The following GSAP variants were observed in gnomAD, a reference collection of about 807,000 sequenced individuals.
The protein encoded by GSAP is gamma-secretase-activating protein.
In GSAP, 118 loss-of-function variants were observed where a neutral mutation model predicts 131.7. The observed-to-expected ratio is 0.90, with a 90% confidence interval of 0.77 to 1.04. The LOEUF is 1.04. GSAP is among the 50% of genes least tolerant of loss of function. The pLI is 0.00. For missense variants in GSAP, 1,019 were observed against 1,013.2 expected, an observed-to-expected ratio of 1.01 and a Z score of -0.08; for synonymous variants, 381 against 363.4, an observed-to-expected ratio of 1.05 and a Z score of -0.55.
chr7:77,334,420 T>C (rs1789629901), intron 19 of GSAP, among the ~76,000 whole-genome samples: 1 of 150,556 alleles, frequency 6.6e-6, no homozygotes, highest in South Asian at 2.1e-4. Flanking sequence ...CTGGGGCCTG[T>C]TGGGGGGTTG....
At chr7:77,390,226 C>T (rs372579374) in intron 5 of GSAP, among the ~76,000 whole-genome samples, 52 of 152,206 alleles carry the variant, frequency 3.4e-4, no homozygotes, top group African/African-American at 1.2e-3. Context: ...TTCTCCCATT[C>T]TGTAGGTTGC....
intron 12 of GSAP, among the ~76,000 whole-genome samples, chr7:77,371,088 T>G (rs1181864937): frequency 6.6e-6 from 1 of 151,894 alleles, no homozygotes; most frequent in Admixed American, 6.6e-5. Flanking sequence ...ACTTCCAGAT[T>G]TATTCATTGC....
At chr7:77,398,216 T>C (rs1384275660) in intron 3 of GSAP, among the ~76,000 whole-genome samples, 2 of 152,122 alleles carry the variant, frequency 1.3e-5, no homozygotes, top group African/African-American at 4.8e-5. Context: ...ATAGTGTAAG[T>C]ATTAAGAAGG....
chr7:77,389,587 T>C (rs1799137424), intron 5 of GSAP, among the ~76,000 whole-genome samples: 1 of 152,140 alleles, frequency 6.6e-6, no homozygotes, highest in Admixed American at 6.5e-5. Context: ...TCCAGCTTCA[T>C]CCATGTCCCT....
intron 26 of GSAP, among the ~76,000 whole-genome samples, chr7:77,319,823 A>G (rs1351432240): frequency 1.3e-5 from 2 of 152,244 alleles, no homozygotes; most frequent in Non-Finnish European, 2.9e-5. Context: ...TGCAGTATCT[A>G]AAGTAGTCAA....
intron 1 of GSAP, among the ~76,000 whole-genome samples, chr7:77,414,844 C>CTTTTTTTTTTTTTTTTTTTTTTTTT (rs57095326): frequency 6.7e-5 from 4 of 59,876 alleles, no homozygotes; most frequent in African/African-American, 3.0e-4. Context: ...ATGTGGGCGA[C>CTTTTTTTTTTTTTTTTTTTTTTTTT]TTTTTTTTTT....
chr7:77,383,665 G>A (rs1241130353), intron 6 of GSAP, among the ~76,000 whole-genome samples: 1 of 152,154 alleles, frequency 6.6e-6, no homozygotes, highest in Admixed American at 6.5e-5. Context: ...TCCTGACCCC[G>A]TCGGCTGTGA....
intron 6 of GSAP, among the ~76,000 whole-genome samples, chr7:77,383,205 C>T (rs1362021548): frequency 6.6e-6 from 1 of 151,928 alleles, no homozygotes; most frequent in East Asian, 1.9e-4. Flanking sequence ...GTAAAATAAA[C>T]AGTAAATGTT....
intron 1 of GSAP, among the ~76,000 whole-genome samples, chr7:77,407,059 G>A (rs1032507954): frequency 1.3e-5 from 2 of 152,152 alleles, no homozygotes; most frequent in Non-Finnish European, 2.9e-5. Context: ...TCATTTCAGG[G>A]ACTACAGGGC....
intron 2 of GSAP, among the ~76,000 whole-genome samples, 184 bp downstream of exon 2, chr7:77,405,845 T>G (rs1034107898): frequency 6.6e-6 from 1 of 152,230 alleles, no homozygotes; most frequent in African/African-American, 2.4e-5. Context: ...AGCCTAATAC[T>G]ACTAAATTTC....
intron 6 of GSAP, among the ~76,000 whole-genome samples, chr7:77,386,752 T>C (rs146737231): frequency 2.0e-5 from 3 of 152,300 alleles, no homozygotes; most frequent in Non-Finnish European, 2.9e-5. Flanking sequence ...GTCATTTTAG[T>C]ATGAGAGCTA....
chr7:77,408,756 G>A (rs1053230311), intron 1 of GSAP, among the ~76,000 whole-genome samples: 1 of 149,160 alleles, frequency 6.7e-6, no homozygotes, highest in East Asian at 1.9e-4. Context: ...TTCCCATACA[G>A]GAATAGTTTT....
intron 19 of GSAP, among the ~76,000 whole-genome samples, chr7:77,335,834 T>C (rs1372890659): frequency 6.6e-6 from 1 of 152,230 alleles, no homozygotes; most frequent in Non-Finnish European, 1.5e-5. Flanking sequence ...AGCTAAAGCA[T>C]CATCCAATTT....
intron 13 of GSAP, among the ~76,000 whole-genome samples, chr7:77,361,652 A>G (rs1362718957): frequency 6.6e-6 from 1 of 152,194 alleles, no homozygotes; most frequent in Non-Finnish European, 1.5e-5. Flanking sequence ...AAAAATCTTT[A>G]TCTTTAAAAA....
Position 77,328,250 on chromosome 7 carries a change from G to T in GSAP, c.1765+356C>A, listed in dbSNP as rs560142854. On this transcript the variant is annotated intron_variant, in intron 22 of 30. Transcript: ENST00000257626. ...AGAGGCACAAACAAGGCAAGACCCG[G>T]TAGGATCAGACAGCTAGAAAGCAAG... is the stretch of plus-strand genomic sequence containing the variant. 26 of 1,045,152 alleles carry T rather than the reference G, an allele frequency of 2.5e-5. No homozygotes were observed. The South Asian group carries it at 6.6e-4, about 27-fold the overall frequency. 64.7% of individuals were successfully genotyped at this position (1,045,152 alleles called of 1,614,324 possible). A position where few individuals can be genotyped will look rare whatever the true frequency, so the allele number is the denominator to read the frequency against.
At chr7:77,391,036 A>AC (rs1219058933) in intron 5 of GSAP, among the ~76,000 whole-genome samples, 2 of 145,022 alleles carry the variant, frequency 1.4e-5, no homozygotes, top group Non-Finnish European at 3.0e-5. Context: ...CTGAGGCAGG[A>AC]CAATCACTTG....
At chr7:77,377,966 TA>T (rs1797204286) in intron 8 of GSAP, among the ~76,000 whole-genome samples, 1 of 152,208 alleles carries the variant, frequency 6.6e-6, no homozygotes, top group Non-Finnish European at 1.5e-5. Flanking sequence ...AGACCTGACT[TA>T]CACATTGTGT....
intron 12 of GSAP, among the ~76,000 whole-genome samples, chr7:77,372,698 T>C (rs1796310439): frequency 6.6e-6 from 1 of 152,246 alleles, no homozygotes; most frequent in Non-Finnish European, 1.5e-5. Flanking sequence ...ATTTTTGAAC[T>C]TTACAGCGAG....
At position 77,416,318 on chromosome 7, in the gene GSAP, C is replaced by A; in HGVS notation, c.4G>T (p.Ala2Ser). M[A>S]LRLVADFDLG... Reference sequence around the variant, plus strand: ...TCGAAGTCGGCGACCAGGCGAAGAGCCATCGCCCGGACACGACCACCGGGC... The same window carrying A: ...TCGAAGTCGGCGACCAGGCGAAGAGACATCGCCCGGACACGACCACCGGGC... Residue 2 changes from alanine (A) to serine (S), a missense_variant, in exon 1 of 31, where the codon GCT becomes TCT. Coordinates refer to ENST00000257626, the MANE Select transcript of GSAP (RefSeq NM_017439.4). 6.7e-7 allele frequency: 1 copy of A among 1,488,692 alleles called. No individual in the cohort carries two copies. The allele number at this position is 1,488,692 out of a possible 1,614,324, so 92.2% of individuals were successfully genotyped here. A position where few individuals can be genotyped will look rare whatever the true frequency, so the allele number is the denominator to read the frequency against.
Sources: allele counts gnomAD v4.1 joint callset (sites outside exome capture counted in the v4.1 genomes callset), GRCh38; gene constraint gnomAD v4.1.1; transcripts MANE v1.5; gene names NCBI Gene and HGNC (gene_info 2026-07-23, HGNC 2026-07-21).